SCARB2: variants seen among roughly 807,000 people sequenced by gnomAD.
SCARB2 encodes scavenger receptor class B member 2.
A neutral mutation model predicts 58.6 loss-of-function variants in SCARB2; 29 were observed. The observed-to-expected ratio is 0.49, with a 90% CI of 0.37 to 0.67. The LOEUF is 0.67. Among genes scored for constraint, SCARB2 ranks in the 30% least tolerant of loss-of-function variants. The probability of loss-of-function intolerance (pLI) is 0.00; values close to 1 mark genes in which losing one functional copy is unlikely to be tolerated. For missense variants in SCARB2, 488 were observed against 578.5 expected (o/e 0.84, Z 1.60); for synonymous variants, 195 against 210.1 (o/e 0.93, Z 0.62).
In SCARB2 at chr4:76,163,235, G is replaced by A; in HGVS notation, c.1388C>T (p.Ser463Phe). The change falls in exon 11 of 12, where the codon TCC becomes TTC. Residue 463 changes from serine to phenylalanine, a missense_variant. By Grantham distance (155) the Ser-to-Phe change is radical. Coordinates refer to ENST00000264896, the MANE Select transcript of SCARB2 (RefSeq NM_005506.4). ...FTWLACKGQG[S>F]MDEGTADERA... is the part of the protein sequence containing the mutation. ...TCAGCCAGTTCTCACCTCATCCATG[G>A]ATCCCTGTCCTTTGCATGCAAGCCA... The A allele has an allele frequency of 1.2e-6, 2 of 1,614,110 alleles. No homozygotes were observed. Among genetic ancestry groups the A allele is most frequent in the Non-Finnish European group, 1.7e-6 (2 of 1,180,022 alleles).
At chr4:76,176,401 G>GA in intron 5 of SCARB2, 36 bp downstream of exon 5, 1 of 1,475,296 alleles carries the variant, frequency 6.8e-7, no homozygotes, top group Non-Finnish European at 9.5e-7. Flanking sequence ...AATGAAAACT[G>GA]AAAAAATAAT....
chr4:76,215,372 A>C (rs1439809928), upstream of SCARB2, among the ~76,000 whole-genome samples: 1 of 152,164 alleles, frequency 6.6e-6, no homozygotes, highest in African/African-American at 2.4e-5. Flanking sequence ...TTGGCTTCCA[A>C]AACCCTCACT....
At position 76,213,679 on chromosome 4, in the gene SCARB2, G is replaced by T. The variant is rs991618547; in HGVS notation, c.-136C>A. On this transcript the variant is annotated 5_prime_UTR_variant, in exon 1 of 12. Transcript: ENST00000264896. ...CCCACGCCCTCCCGGCGCACGGTTCGTGCGCGCAGCTCTGGGCTCCGCGGC... is the reference window on the plus strand; with the variant it reads ...CCCACGCCCTCCCGGCGCACGGTTCTTGCGCGCAGCTCTGGGCTCCGCGGC... 2.5e-5 allele frequency: 17 copies of T among 688,352 alleles called. No individual in the cohort carries two copies. The highest frequency in any genetic ancestry group is 2.3e-4 in the African/African-American group (13 of 55,532). 42.6% of individuals were successfully genotyped at this position (688,352 alleles called of 1,614,324 possible).
chr4:76,176,715 G>A (rs1288702351), intron 4 of SCARB2, 187 bp from the exon 5 acceptor site: 1 of 568,896 alleles, frequency 1.8e-6, no homozygotes, highest in Non-Finnish European at 3.1e-6. Flanking sequence ...ATGAGTGGCT[G>A]GGCCCCCTCC....
At chr4:76,199,393 A>T (rs1372410) in intron 1 of SCARB2, among the ~76,000 whole-genome samples, 3,503 of 152,340 alleles carry the variant, frequency 0.023, 120 homozygotes, top group African/African-American at 0.08. Context: ...CATGGGCTAC[A>T]TCAAAAATGT....
intron 1 of SCARB2, among the ~76,000 whole-genome samples, chr4:76,199,843 G>A (rs1199819919): frequency 6.6e-6 from 1 of 152,182 alleles, no homozygotes; most frequent in Non-Finnish European, 1.5e-5. Flanking sequence ...AGGCAGCCGC[G>A]CAGCCCCAGT....
At chr4:76,195,321 C>T (rs1732689476) in intron 2 of SCARB2, 1 of 186,620 alleles carries the variant, frequency 5.4e-6, no homozygotes, top group African/African-American at 2.4e-5. Flanking sequence ...GCTATGACTG[C>T]TCTACTGCAC....
chr4:76,209,899 T>A (rs1031651640), intron 1 of SCARB2, among the ~76,000 whole-genome samples: 2 of 152,362 alleles, frequency 1.3e-5, no homozygotes, highest in Non-Finnish European at 2.9e-5. Context: ...CCATCCCTTG[T>A]TGGCCAGCCC....
intron 4 of SCARB2, chr4:76,176,810 G>C (rs1459117920): frequency 9.9e-6 from 3 of 302,892 alleles, no homozygotes; most frequent in Admixed American, 5.0e-5. Context: ...AATTCTGCCT[G>C]GATTTCCAGG....
At chr4:76,176,624 C>T (rs551730165) in intron 4 of SCARB2, 96 bp from the exon 5 acceptor site, 18 of 803,910 alleles carry the variant, frequency 2.2e-5, no homozygotes, top group Non-Finnish European at 3.9e-5. Flanking sequence ...CAAACACTAG[C>T]CCAGATGGTG....
At chr4:76,163,580 A>ATT (rs1163249158) in intron 10 of SCARB2, 197 bp from the exon 11 acceptor site, 5 of 620,096 alleles carry the variant, frequency 8.1e-6, no homozygotes, top group African/African-American at 7.4e-5. Context: ...TCCTGAAGAC[A>ATT]TTTTTTTTAC....
chr4:76,162,192 A>G (rs1578711403), intron 11 of SCARB2: 1 of 179,982 alleles, frequency 5.6e-6, no homozygotes, highest in East Asian at 1.4e-4. Context: ...CAATGACTGC[A>G]TAAAGTCACA....
intron 2 of SCARB2, among the ~76,000 whole-genome samples, chr4:76,191,292 C>T (rs185719149): frequency 3.7e-4 from 56 of 152,324 alleles, no homozygotes; most frequent in African/African-American, 1.3e-3. Context: ...TATAATTCTA[C>T]ATATTGACTT....
intron 1 of SCARB2, among the ~76,000 whole-genome samples, chr4:76,199,750 G>A (rs752799158): frequency 1.8e-4 from 27 of 152,200 alleles, no homozygotes; most frequent in African/African-American, 4.8e-5. Context: ...AACTAGGGCA[G>A]CTGCGTGAGG....
At chr4:76,162,153 T>C (rs1731913090) in intron 11 of SCARB2, 1 of 224,992 alleles carries the variant, frequency 4.4e-6, no homozygotes, top group Admixed American at 5.0e-5. Flanking sequence ...AACATTTCCA[T>C]GAGGTTTCAT....
At chr4:76,165,914 C>G (rs781728234) in intron 10 of SCARB2, 78 of 412,374 alleles carry the variant, frequency 1.9e-4, no homozygotes, top group Non-Finnish European at 3.0e-4. Flanking sequence ...GGCTAGCTGG[C>G]ATCTATCTGA....
At chr4:76,217,820 A>G (rs1733240012), upstream of SCARB2, 1 of 402,756 alleles carries the variant, frequency 2.5e-6, no homozygotes, top group Admixed American at 4.3e-5. Flanking sequence ...CACTTAATGA[A>G]TGATTGCTGG....
intron 1 of SCARB2, among the ~76,000 whole-genome samples, chr4:76,223,908 C>A (rs537754861): frequency 7.8e-4 from 119 of 152,250 alleles, no homozygotes; most frequent in African/African-American, 2.7e-3. Flanking sequence ...CAGGCTTGAT[C>A]TTTGGGCTGC....
intron 1 of SCARB2, among the ~76,000 whole-genome samples, chr4:76,225,240 T>C (rs1462316390): frequency 6.6e-6 from 1 of 152,248 alleles, no homozygotes; most frequent in African/African-American, 2.4e-5. Flanking sequence ...ATTGTGCTGC[T>C]ATAAAGACAC....
Sources: allele counts gnomAD v4.1 joint callset (sites outside exome capture counted in the v4.1 genomes callset), GRCh38; gene constraint gnomAD v4.1.1; transcripts MANE v1.5; gene names NCBI Gene and HGNC (gene_info 2026-07-23, HGNC 2026-07-21).